DAB1: variants seen among roughly 807,000 people sequenced by gnomAD.
The protein encoded by DAB1 is DAB adaptor protein 1, also known as disabled homolog 1.
In DAB1, 15 loss-of-function variants were observed where a neutral mutation model predicts 64.6. That is an observed-to-expected ratio of 0.23 (90% confidence interval 0.16 to 0.36). The LOEUF is 0.36. Ranked by LOEUF, DAB1 falls within the 10% of genes least tolerant of loss-of-function variation. The pLI, the probability that DAB1 is intolerant of heterozygous loss-of-function variation, is 1.00. For missense variants in DAB1, 596 were observed against 706.7 expected (o/e 0.84, Z 1.78); for synonymous variants, 235 against 251.9 (o/e 0.93, Z 0.64).
upstream of DAB1, chr1:57,884,156 G>C (rs1644187998): frequency 6.6e-6 from 1 of 152,348 alleles, no homozygotes. Flanking sequence ...AGAAGCCAAG[G>C]AAATAGCTGC....
At chr1:58,021,695 G>C (rs570303247) in intron 5 of DAB1, among the ~76,000 whole-genome samples, 1 of 152,326 alleles carries the variant, frequency 6.6e-6, no homozygotes, top group South Asian at 2.1e-4. Context: ...TGCATTGTCA[G>C]AGCAGAACTG....
chr1:57,940,408 C>T (rs902606925), intron 5 of DAB1, among the ~76,000 whole-genome samples: 1 of 152,204 alleles, frequency 6.6e-6, no homozygotes, highest in African/African-American at 2.4e-5. Context: ...ATGTCTGCAC[C>T]TTACCTTCTC....
intron 7 of DAB1, among the ~76,000 whole-genome samples, chr1:57,529,679 T>C (rs1644637848): frequency 1.3e-5 from 2 of 152,144 alleles, no homozygotes. Context: ...CAGGAAGCTA[T>C]AACAATCTGA....
intron 4 of DAB1, among the ~76,000 whole-genome samples, chr1:58,331,399 G>C (rs1433745387): frequency 1.3e-5 from 2 of 152,208 alleles, no homozygotes; most frequent in African/African-American, 4.8e-5. Flanking sequence ...ACTTAGAGTA[G>C]TACACAAATT....
chr1:57,363,169 A>C (rs1027188974), intron 1 of DAB1, among the ~76,000 whole-genome samples: 2 of 152,200 alleles, frequency 1.3e-5, no homozygotes, highest in Admixed American at 6.5e-5. Flanking sequence ...TCAAATGGTT[A>C]GTTGTGTTGG....
chr1:57,349,271 G>T (rs1194682658), intron 1 of DAB1, among the ~76,000 whole-genome samples: 1 of 152,102 alleles, frequency 6.6e-6, no homozygotes, highest in Admixed American at 6.5e-5. Flanking sequence ...AAACCATCAG[G>T]CACTGGTAGT....
At chr1:57,575,130 G>A (rs1645235612) in intron 7 of DAB1, among the ~76,000 whole-genome samples, 1 of 152,210 alleles carries the variant, frequency 6.6e-6, no homozygotes, top group Non-Finnish European at 1.5e-5. Context: ...CAGGAACTGA[G>A]TGGCTTTCAG....
intron 3 of DAB1, among the ~76,000 whole-genome samples, chr1:58,394,422 C>T (rs1360693165): frequency 6.6e-6 from 1 of 152,186 alleles, no homozygotes; most frequent in Non-Finnish European, 1.5e-5. Flanking sequence ...CATGAGTGCT[C>T]ATGGCAGCCT....
intron 3 of DAB1, among the ~76,000 whole-genome samples, chr1:58,395,573 C>T (rs1284735322): frequency 6.6e-6 from 1 of 152,174 alleles, no homozygotes; most frequent in Non-Finnish European, 1.5e-5. Context: ...TCCTCATAAC[C>T]TCAGAGGGCC....
chr1:58,010,192 A>G (rs937900986), intron 5 of DAB1, among the ~76,000 whole-genome samples: 1 of 152,164 alleles, frequency 6.6e-6, no homozygotes, highest in African/African-American at 2.4e-5. Context: ...TCTAATCCTC[A>G]TAACGGCCCT....
chr1:57,142,373 T>C (rs1658688153), intron 3 of DAB1, among the ~76,000 whole-genome samples: 1 of 152,160 alleles, frequency 6.6e-6, no homozygotes, highest in South Asian at 2.1e-4. Flanking sequence ...AAATGGAGAA[T>C]TGATCATTTA....
chr1:57,262,363 T>C (rs1441498255), intron 2 of DAB1, among the ~76,000 whole-genome samples: 1 of 152,190 alleles, frequency 6.6e-6, no homozygotes, highest in Non-Finnish European at 1.5e-5. Context: ...TGGCATCTCT[T>C]TGAGAGCTCT....
At chr1:57,629,403 G>C (rs927915402) in intron 7 of DAB1, among the ~76,000 whole-genome samples, 1 of 152,146 alleles carries the variant, frequency 6.6e-6, no homozygotes, top group Non-Finnish European at 1.5e-5. Context: ...GAACACACCT[G>C]AGTGCTCTAG....
At chr1:57,504,833 A>C (rs1644326369) in intron 7 of DAB1, among the ~76,000 whole-genome samples, 1 of 152,220 alleles carries the variant, frequency 6.6e-6, no homozygotes, top group African/African-American at 2.4e-5. Flanking sequence ...TTATTTCCAA[A>C]AATCTATAAC....
chr1:57,646,446 G>C (rs572628211), intron 7 of DAB1, among the ~76,000 whole-genome samples: 1 of 152,126 alleles, frequency 6.6e-6, no homozygotes, highest in East Asian at 1.9e-4. Context: ...GTACATGCTG[G>C]TGCACAAAAC....
intron 4 of DAB1, among the ~76,000 whole-genome samples, chr1:57,127,857 A>G (rs1657273452): frequency 6.6e-6 from 1 of 152,184 alleles, no homozygotes; most frequent in African/African-American, 2.4e-5. Context: ...AATAAATAAT[A>G]CAACTCCTGT....
At chr1:57,121,531 G>C (rs760409989) in intron 4 of DAB1, among the ~76,000 whole-genome samples, 1 of 151,782 alleles carries the variant, frequency 6.6e-6, no homozygotes, top group Non-Finnish European at 1.5e-5. Context: ...GAGAAACACT[G>C]CTTAATAAAT....
intron 4 of DAB1, among the ~76,000 whole-genome samples, chr1:57,098,195 T>C (rs1654347555): frequency 6.6e-6 from 1 of 152,168 alleles, no homozygotes; most frequent in African/African-American, 2.4e-5. Context: ...TTATTGAAAA[T>C]AAATATAGCT....
chr1:57,733,278 C>G (rs747351955), intron 6 of DAB1, among the ~76,000 whole-genome samples: 20 of 151,632 alleles, frequency 1.3e-4, no homozygotes, highest in Non-Finnish European at 2.6e-4. Context: ...TTACTACTTG[C>G]TAATGTACTA....
Sources: gnomAD v4.1 joint callset for allele counts (sites outside exome capture counted in the v4.1 genomes callset) on GRCh38, gnomAD v4.1.1 for gene constraint, MANE v1.5 for transcripts, NCBI Gene and HGNC (gene_info 2026-07-23, HGNC 2026-07-21) for gene names.